Variants in PKIG observed in about 807,000 individuals in gnomAD.
PKIG encodes protein kinase (cAMP-dependent, catalytic) inhibitor gamma.
A neutral mutation model predicts 6.8 loss-of-function variants in PKIG; 1 was observed. The ratio of observed to expected loss-of-function variants is 0.15; its 90% CI spans 0.05 to 0.69. The LOEUF is 0.69. Among genes scored for constraint, PKIG ranks in the 30% least tolerant of loss-of-function variants. PKIG has a pLI of 0.82. For missense variants in PKIG, 77 were observed against 104.0 expected, an observed-to-expected ratio of 0.74 and a Z score of 1.13; for synonymous variants, 39 against 43.0, an observed-to-expected ratio of 0.91 and a Z score of 0.36.
intron 2 of PKIG, among the ~76,000 whole-genome samples, chr20:44,611,516 T>G (rs2065218751): frequency 6.6e-6 from 1 of 150,614 alleles, no homozygotes. Flanking sequence ...TCCTTCTATA[T>G]CAACTTTTTT....
At chr20:44,560,019 AT>A (rs1231039639) in intron 1 of PKIG, among the ~76,000 whole-genome samples, 3 of 151,416 alleles carry the variant, frequency 2.0e-5, no homozygotes, top group Non-Finnish European at 4.4e-5. Context: ...CCTGGGCAAC[AT>A]TTTTTTCATG....
At chr20:44,615,152 C>A (rs1447384424) in intron 3 of PKIG, among the ~76,000 whole-genome samples, 1 of 152,172 alleles carries the variant, frequency 6.6e-6, no homozygotes, top group Non-Finnish European at 1.5e-5. Flanking sequence ...AAAAAATCCC[C>A]CAGTGGCTTC....
rs140830723 is a variant in PKIG at position 44,591,829 on chromosome 20, C to T, written c.-24+1963C>T. ...GGCTTCCAGAGAAATCTCTCTGTTT[C>T]GTTTGCCATGTAAGGATTTGTTGAA... On this transcript the variant is annotated intron_variant, in intron 2 of 3. Transcript: ENST00000372886. 4.6e-5 allele frequency among the ~76,000 whole-genome samples: 7 copies of T among 152,294 alleles called. 1 individual carries two copies. In the South Asian group the frequency reaches 6.2e-4, roughly 14 times the overall value.
chr20:44,559,141 G>T (rs77416286), intron 1 of PKIG, among the ~76,000 whole-genome samples: 1 of 151,998 alleles, frequency 6.6e-6, no homozygotes, highest in African/African-American at 2.4e-5. Context: ...TTTTTAAAAG[G>T]TGCAGAATAT....
At chr20:44,563,806 C>T (rs2064788005) in intron 1 of PKIG, among the ~76,000 whole-genome samples, 1 of 152,156 alleles carries the variant, frequency 6.6e-6, no homozygotes, top group African/African-American at 2.4e-5. Context: ...GCTGGGATTA[C>T]AGGCATGAGC....
intron 1 of PKIG, among the ~76,000 whole-genome samples, chr20:44,555,681 A>T (rs1300153904): frequency 6.6e-6 from 1 of 152,148 alleles, no homozygotes; most frequent in East Asian, 1.9e-4. Context: ...GTGTGTGTAT[A>T]TGTGTATAGA....
At chr20:44,560,033 C>T (rs773102570) in intron 1 of PKIG, among the ~76,000 whole-genome samples, 44 of 127,676 alleles carry the variant, frequency 3.4e-4, no homozygotes, top group Non-Finnish European at 8.3e-5. Flanking sequence ...TTTTCATGGG[C>T]AAAACCCGGA....
chr20:44,598,366 T>C (rs919909007), intron 2 of PKIG, among the ~76,000 whole-genome samples: 9 of 152,178 alleles, frequency 5.9e-5, no homozygotes, highest in East Asian at 3.8e-4. Context: ...TTCGGGGAAA[T>C]TGAAATTAAA....
upstream of PKIG, among the ~76,000 whole-genome samples, chr20:44,579,978 T>C (rs1313365265): frequency 6.6e-6 from 1 of 152,178 alleles, no homozygotes; most frequent in African/African-American, 2.4e-5. Flanking sequence ...GAACAGGCCT[T>C]ACAGCTCTGG....
intron 1 of PKIG, among the ~76,000 whole-genome samples, chr20:44,535,595 T>C (rs1483853545): frequency 1.3e-5 from 2 of 152,114 alleles, no homozygotes; most frequent in Non-Finnish European, 2.9e-5. Flanking sequence ...GAGCTGAGAT[T>C]GTACCATTGC....
At chr20:44,599,676 C>T (rs76522165) in intron 2 of PKIG, among the ~76,000 whole-genome samples, 4,041 of 152,188 alleles carry the variant, frequency 0.027, 196 homozygotes, top group Admixed American at 0.14. Flanking sequence ...GAGCCAAGAT[C>T]GCGCCGCTGC....
At chr20:44,595,570 G>A (rs906199844) in intron 2 of PKIG, among the ~76,000 whole-genome samples, 11 of 152,178 alleles carry the variant, frequency 7.2e-5, no homozygotes, top group Non-Finnish European at 1.5e-4. Context: ...CAGGGGTGCA[G>A]TGGCATGATC....
intron 1 of PKIG, among the ~76,000 whole-genome samples, chr20:44,557,325 G>C (rs993941329): frequency 1.3e-5 from 2 of 152,024 alleles, no homozygotes; most frequent in Non-Finnish European, 2.9e-5. Flanking sequence ...TCAGGAGTTG[G>C]AGACCAGCCT....
At chr20:44,546,560 C>CTTTTTTTTTTTTT (rs59060487) in intron 1 of PKIG, among the ~76,000 whole-genome samples, 1 of 141,864 alleles carries the variant, frequency 7.0e-6, no homozygotes, top group Non-Finnish European at 1.5e-5. Flanking sequence ...TTTTTGAGTT[C>CTTTTTTTTTTTTT]TTTTTTTTTT....
intron 2 of PKIG, among the ~76,000 whole-genome samples, chr20:44,595,219 A>G (rs1218715749): frequency 1.3e-5 from 2 of 152,236 alleles, no homozygotes; most frequent in African/African-American, 4.8e-5. Flanking sequence ...TTACACACAC[A>G]CGCAGAGAAT....
At chr20:44,532,874 G>A (rs1251458297) in intron 1 of PKIG, among the ~76,000 whole-genome samples, 1 of 152,142 alleles carries the variant, frequency 6.6e-6, no homozygotes, top group Non-Finnish European at 1.5e-5. Context: ...GACTTCTTGG[G>A]AATCTGCAAG....
At chr20:44,551,709 C>T (rs1260284300) in intron 1 of PKIG, among the ~76,000 whole-genome samples, 1 of 152,190 alleles carries the variant, frequency 6.6e-6, no homozygotes, top group Non-Finnish European at 1.5e-5. Flanking sequence ...ATTGACTTGA[C>T]TGGTCTTCTG....
At chr20:44,567,291 A>G (rs2064818221) in intron 1 of PKIG, among the ~76,000 whole-genome samples, 1 of 152,114 alleles carries the variant, frequency 6.6e-6, no homozygotes, top group Non-Finnish European at 1.5e-5. Context: ...GCTACCAGAT[A>G]TCCTGCAAGG....
intron 1 of PKIG, among the ~76,000 whole-genome samples, chr20:44,533,061 A>G (rs2064481605): frequency 6.6e-6 from 1 of 152,156 alleles, no homozygotes; most frequent in African/African-American, 2.4e-5. Context: ...TGTGTCTTTG[A>G]TCAGAGGTAT....
Sources: gnomAD v4.1 joint callset for allele counts (sites outside exome capture counted in the v4.1 genomes callset) on GRCh38, gnomAD v4.1.1 for gene constraint, MANE v1.5 for transcripts, NCBI Gene and HGNC (gene_info 2026-07-23, HGNC 2026-07-21) for gene names.